Variants in TEX15 observed in about 807,000 individuals in gnomAD.
TEX15 encodes the protein testis expressed 15, meiosis and synapsis associated, also known as testis-expressed protein 15.
TEX15 carries 171 observed loss-of-function variants against 237.3 expected under a neutral mutation model. The observed-to-expected ratio is 0.72, with a 90% CI of 0.64 to 0.82. The LOEUF (loss-of-function observed/expected upper bound fraction) is 0.82, where lower values mean the gene tolerates loss of function less well. Among genes scored for constraint, TEX15 ranks in the 40% least tolerant of loss-of-function variants. TEX15 has a pLI of 0.00. For missense variants in TEX15, 3,750 were observed against 3,646.5 expected, an observed-to-expected ratio of 1.03 and a Z score of -0.73; for synonymous variants, 1,338 against 1,269.8, an observed-to-expected ratio of 1.05 and a Z score of -1.14.
In TEX15 at chr8:30,845,789, CTCTTT is replaced by C; in HGVS notation, c.4373_4377del (p.Lys1458SerfsTer5). 1.2e-6 allele frequency: 2 copies of C among 1,610,446 alleles called. No individual in the cohort carries two copies. The highest frequency in any genetic ancestry group is 1.7e-6 in the Non-Finnish European group (2 of 1,178,938). ...GATTTAGAAATATCAGCTTTTGGAG[CTCTTT>C]TCTTTCTCCGTTTGTCATATTTTCT... On this transcript the variant is annotated frameshift_variant, in exon 8 of 11. Coordinates refer to ENST00000643185, the MANE Select transcript of TEX15 (RefSeq NM_001350162.2). LOFTEE classifies it high-confidence loss of function.
At chr8:30,867,176 C>A in intron 5 of TEX15, 89 bp downstream of exon 5, 2 of 490,986 alleles carry the variant, frequency 4.1e-6, no homozygotes, top group Non-Finnish European at 7.0e-6. Flanking sequence ...AGTTTAAAAA[C>A]ATTAACAATT....
intron 3 of TEX15, among the ~76,000 whole-genome samples, chr8:30,877,285 G>A (rs369387812): frequency 3.9e-5 from 6 of 152,152 alleles, no homozygotes; most frequent in African/African-American, 1.4e-4. Context: ...AAGCACTGCT[G>A]ACTGTTGATT....
chr8:30,897,589 A>G (rs775747526), intron 2 of TEX15, among the ~76,000 whole-genome samples: 2 of 152,226 alleles, frequency 1.3e-5, no homozygotes, highest in Non-Finnish European at 2.9e-5. Flanking sequence ...TATGATTAAT[A>G]TGTGGGTAAC....
intron 3 of TEX15, among the ~76,000 whole-genome samples, chr8:30,882,172 G>C (rs572209276): frequency 4.6e-5 from 7 of 152,286 alleles, no homozygotes; most frequent in African/African-American, 1.4e-4. Flanking sequence ...TCCCAGGCTG[G>C]TCTCAAATTC....
chr8:30,834,918 G>A (rs540420764), intron 10 of TEX15, among the ~76,000 whole-genome samples: 24 of 152,250 alleles, frequency 1.6e-4, no homozygotes, highest in African/African-American at 5.3e-4. Flanking sequence ...TATGTCCTAC[G>A]GCCTCTCAGT....
Position 30,848,121 on chromosome 8 carries a change from T to C in TEX15, c.2046A>G (p.Ile682Met). The change falls in exon 8 of 11, where the codon ATA becomes ATG. Residue 682 changes from isoleucine (I) to methionine (M), a missense_variant. Coordinates refer to ENST00000643185, the MANE Select transcript of TEX15 (RefSeq NM_001350162.2). ...TTATTTCTAACTCTTGAGTAATTAA[T>C]ATTTTATCACAGCTTTTCCCAAAAG... ...HNSFGKSCDK[I>M]LITQELEITK... The C allele has an allele frequency of 6.2e-7, 1 of 1,609,520 alleles. No individual in the cohort carries two copies. Among genetic ancestry groups the C allele is most frequent in the Non-Finnish European group, 8.5e-7 (1 of 1,177,926 alleles).
intron 3 of TEX15, among the ~76,000 whole-genome samples, chr8:30,878,967 T>C (rs1808461412): frequency 1.3e-5 from 2 of 152,262 alleles, no homozygotes; most frequent in South Asian, 4.1e-4. Context: ...CTTTTTCAGC[T>C]ATTCTAACAA....
At chr8:30,883,307 T>TCA (rs1808572849) in intron 3 of TEX15, among the ~76,000 whole-genome samples, 1 of 152,160 alleles carries the variant, frequency 6.6e-6, no homozygotes, top group Non-Finnish European at 1.5e-5. Context: ...TCCTATGGAT[T>TCA]CAGAGACCAC....
rs1808462963 is a variant in TEX15 at position 30,879,026 on chromosome 8, CT to C, written c.137-3925del. ...GTTTTCATATGCATTTCCTTAATGG[CT>C]ATGATGTTGAACATCTTTTGATAAG... On this transcript the variant is annotated intron_variant, in intron 3 of 10. Transcript: ENST00000643185. Among the ~76,000 whole-genome samples, 3 of 152,082 alleles carry C rather than the reference CT, an allele frequency of 2.0e-5. No individual in the cohort carries two copies. The East Asian group carries it at 5.8e-4, about 29-fold the overall frequency.
intron 1 of TEX15, among the ~76,000 whole-genome samples, chr8:30,902,585 C>T (rs1809028820): frequency 6.6e-6 from 1 of 152,152 alleles, no homozygotes; most frequent in Non-Finnish European, 1.5e-5. Context: ...GTAATATCCA[C>T]ATGGGCAATA....
Position 30,847,830 on chromosome 8 carries a change from A to G in TEX15, c.2337T>C (p.Ile779=). The G allele has an allele frequency of 1.2e-6, 2 of 1,613,908 alleles. No homozygotes were observed. The highest frequency in any genetic ancestry group is 1.7e-6 in the Non-Finnish European group (2 of 1,179,932). Residue 779 remains isoleucine (I), a synonymous_variant, in exon 8 of 11, where the codon ATT becomes ATC. Coordinates refer to ENST00000643185, the MANE Select transcript of TEX15 (RefSeq NM_001350162.2). ...KDIPQAKEMF[I]DTVISSYNIE... Reference sequence around the variant, plus strand: ...TGTTATAAGATGAAATAACTGTATCAATGAACATTTCTTTGGCCTGGGGTA... The same window carrying G: ...TGTTATAAGATGAAATAACTGTATCGATGAACATTTCTTTGGCCTGGGGTA...
intron 3 of TEX15, among the ~76,000 whole-genome samples, chr8:30,881,610 C>CTTTTTTTTTTTTTTTTTTTTT (rs1164594718): frequency 6.4e-5 from 7 of 109,462 alleles, no homozygotes; most frequent in South Asian, 2.6e-4. Flanking sequence ...TCCATCTTGA[C>CTTTTTTTTTTTTTTTTTTTTT]TTTTTATTTT....
intron 2 of TEX15, among the ~76,000 whole-genome samples, chr8:30,898,291 G>C (rs764832524): frequency 6.6e-6 from 1 of 152,162 alleles, no homozygotes; most frequent in Non-Finnish European, 1.5e-5. Flanking sequence ...CTTTGGAGAT[G>C]ATTAAGTCGA....
chr8:30,842,862 G>T lies in TEX15; in HGVS notation c.7305C>A (p.Ile2435=). ...TTTCAATAGCTTCAGGCTTTAAAAT[G>T]ATAGCCTCATGGCTGTGGTTTATCA... The part of the protein sequence containing the change: ...DVVINHSHEA[I]ILKPEAIEMY... The change falls in exon 8 of 11, where the codon ATC becomes ATA. Residue 2435 remains isoleucine, a synonymous_variant. Transcript: ENST00000643185. The T allele has an allele frequency of 6.2e-7, 1 of 1,611,844 alleles. No individual in the cohort carries two copies. The highest frequency in any genetic ancestry group is 8.5e-7 in the Non-Finnish European group (1 of 1,178,658).
chr8:30,843,323 C>T lies in TEX15; in HGVS notation c.6844G>A (p.Glu2282Lys). ...FDAAKNLVWK[E>K]RTQSFSKKYS... is the part of the protein sequence containing the mutation. ...TTTTTGCTGAAGGATTGTGTTCTCT[C>T]TTTCCAAACAAGATTTTTTGCAGCA... The change falls in exon 8 of 11, where the codon GAG (glutamate) becomes AAG (lysine). Residue 2282 changes from glutamate to lysine, a missense_variant. Physicochemically the swap from Glu to Lys is moderately conservative, Grantham distance 56. Transcript: ENST00000643185. 1 of 1,611,654 alleles carries T rather than the reference C, an allele frequency of 6.2e-7. No homozygotes were observed. The highest frequency in any genetic ancestry group is 8.5e-7 in the Non-Finnish European group (1 of 1,179,138).
chr8:30,851,953 AC>A, intron 7 of TEX15, among the ~76,000 whole-genome samples: 1 of 152,202 alleles, frequency 6.6e-6, no homozygotes, highest in Admixed American at 6.5e-5. Flanking sequence ...AAGCAAAAAA[AC>A]CCTAACTGCT....
chr8:30,844,963 G>T lies in TEX15; in HGVS notation c.5204C>A (p.Ser1735Tyr), dbSNP rs557046621. The change falls in exon 8 of 11, where the codon TCT becomes TAT. Residue 1735 changes from serine (S) to tyrosine (Y), a missense_variant. By Grantham distance (144) the Ser-to-Tyr change is moderately radical (BLOSUM62 -2). Coordinates refer to ENST00000643185, the MANE Select transcript of TEX15 (RefSeq NM_001350162.2). ...VTDSEGESSK[S>Y]YLDKQRILTV... Reference sequence around the variant, plus strand: ...AAGAATTCTCTGCTTATCCAAGTAAGATTTTGAAGATTCTCCCTCACTATC... The same window carrying T: ...AAGAATTCTCTGCTTATCCAAGTAATATTTTGAAGATTCTCCCTCACTATC... The T allele has an allele frequency of 6.2e-7, 1 of 1,613,546 alleles. No homozygotes were observed. Among genetic ancestry groups the T allele is most frequent in the East Asian group, 2.2e-5 (1 of 44,870 alleles).
chr8:30,864,371 A>G (rs1808113273), intron 5 of TEX15, among the ~76,000 whole-genome samples: 1 of 151,870 alleles, frequency 6.6e-6, no homozygotes. Flanking sequence ...GAGTCTGAGG[A>G]CAGAGAGAAA....
Position 30,844,468 on chromosome 8 carries a change from C to T in TEX15, c.5699G>A (p.Ser1900Asn). The change falls in exon 8 of 11, where the codon AGC becomes AAC. Residue 1900 changes from serine to asparagine, a missense_variant. Coordinates refer to ENST00000643185, the MANE Select transcript of TEX15 (RefSeq NM_001350162.2). ...TGACTCAGTGGTAGTATTTTTAGTG[C>T]TCAGATGGGAATCAATCAAGTTAGT... ...ITTNLIDSHL[S>N]TKNTTTESVP... 1.2e-6 allele frequency: 2 copies of T among 1,613,154 alleles called. No homozygotes were observed. Among genetic ancestry groups the T allele is most frequent in the Admixed American group, 1.7e-5 (1 of 59,962 alleles).
Sources: allele counts gnomAD v4.1 joint callset (sites outside exome capture counted in the v4.1 genomes callset), GRCh38; gene constraint gnomAD v4.1.1; transcripts MANE v1.5; gene names NCBI Gene and HGNC (gene_info 2026-07-23, HGNC 2026-07-21).